The following TNRC18 variants were observed in gnomAD, a reference collection of about 807,000 sequenced individuals.
TNRC18 encodes the protein trinucleotide repeat containing 18.
Under a neutral mutation model 226.7 loss-of-function variants are expected in TNRC18, and 69 were observed. The ratio of observed to expected loss-of-function variants is 0.30; its 90% CI spans 0.25 to 0.37. The LOEUF is 0.37. Ranked by LOEUF, TNRC18 falls within the 10% of genes least tolerant of loss-of-function variation. The pLI, the probability that TNRC18 is intolerant of heterozygous loss-of-function variation, is 1.00. For missense variants in TNRC18, 4,754 were observed against 4,256.6 expected, an observed-to-expected ratio of 1.12 and a Z score of -3.25; for synonymous variants, 2,449 against 1,927.6, an observed-to-expected ratio of 1.27 and a Z score of -7.09.
Position 5,333,122 on chromosome 7 carries a change from A to G in TNRC18, c.5720-73T>C, listed in dbSNP as rs1246042855. 24 of 1,495,276 alleles carry G rather than the reference A, an allele frequency of 1.6e-5. No individual in the cohort carries two copies. In the Admixed American group the frequency reaches 4.8e-4, roughly 30 times the overall value. 92.6% of individuals were successfully genotyped at this position (1,495,276 alleles called of 1,614,324 possible). A position where few individuals can be genotyped will look rare whatever the true frequency, so the allele number is the denominator to read the frequency against. On this transcript the variant is annotated intron_variant, in intron 18 of 29. Coordinates refer to ENST00000430969, the MANE Select transcript of TNRC18 (RefSeq NM_001080495.3). Reference sequence around the variant, plus strand: ...TTCCCTCCCACCCAGCCACATGGACACCATTCCTCCCCGGCGGGACCTCCC... The same window carrying G: ...TTCCCTCCCACCCAGCCACATGGACGCCATTCCTCCCCGGCGGGACCTCCC...
At position 5,387,652 on chromosome 7, in the gene TNRC18, G is replaced by A; in HGVS notation, c.2152+20C>T. 3 of 1,601,544 alleles carry A rather than the reference G, an allele frequency of 1.9e-6. No homozygotes were observed. Among genetic ancestry groups the A allele is most frequent in the Admixed American group, 1.7e-5 (1 of 59,902 alleles). ...GAGACCCAAGATCCTACCCGCACCT[G>A]GGCTCTGCCCAGGACCTACCTTTGA... is the stretch of plus-strand genomic sequence containing the variant. On this transcript the variant is annotated intron_variant, in intron 5 of 29. Coordinates refer to ENST00000430969, the MANE Select transcript of TNRC18 (RefSeq NM_001080495.3).
chr7:5,415,794 G>A (rs902153196), intron 2 of TNRC18, among the ~76,000 whole-genome samples: 1 of 151,762 alleles, frequency 6.6e-6, no homozygotes, highest in African/African-American at 2.4e-5. Context: ...TCACTGTTGG[G>A]AAATTTTCAC....
rs766070310 is a variant in TNRC18 at position 5,376,110 on chromosome 7, AG to A, written c.2722del (p.Leu908CysfsTer30). 1.3e-6 allele frequency: 2 copies of A among 1,592,348 alleles called. No individual in the cohort carries two copies. Among genetic ancestry groups the A allele is most frequent in the African/African-American group, 1.3e-5 (1 of 74,626 alleles). On this transcript the variant is annotated frameshift_variant, in exon 9 of 30. Coordinates refer to ENST00000430969, the MANE Select transcript of TNRC18 (RefSeq NM_001080495.3). LOFTEE classifies it high-confidence loss of function. ...CAGGTACAGGAACTCCTGCTGCCGCAGGAAGTGCTGCTGTGAGAAGAGCTGC... is the reference window on the plus strand; with the variant it reads ...CAGGTACAGGAACTCCTGCTGCCGCAGAAGTGCTGCTGTGAGAAGAGCTGC... The part of the protein sequence containing the change: ...QLQLFSQQHF[L>X]RQQEFLYLQQ...
Position 5,332,949 on chromosome 7 carries a change from T to C in TNRC18, c.5820A>G (p.Gly1940=). The part of the protein sequence containing the change: ...LRPKKGLGEP[G]PSLAAPTPGA... ...CAGGCGTGGGTGCGGCCAGGGAGGG[T>C]CCCGGCTCCCCCAGCCCCTTCTTGG... Residue 1940 remains glycine (G), a synonymous_variant, in exon 19 of 30, where the codon GGA becomes GGG. Transcript: ENST00000430969. 1 of 1,551,680 alleles carries C rather than the reference T, an allele frequency of 6.4e-7. No individual in the cohort carries two copies. Among genetic ancestry groups the C allele is most frequent in the Admixed American group, 1.9e-5 (1 of 53,446 alleles).
At chr7:5,354,478 G>C (rs1001630628) in intron 16 of TNRC18, among the ~76,000 whole-genome samples, 2 of 151,614 alleles carry the variant, frequency 1.3e-5, no homozygotes, top group African/African-American at 2.4e-5. Flanking sequence ...TTTCCAAAAT[G>C]AGCAGAGATT....
rs778298289 is a variant in TNRC18, at chr7:5,387,991, G to A, written c.1833C>T (p.Ser611=). 31 of 1,590,150 alleles carry A rather than the reference G, an allele frequency of 1.9e-5. No homozygotes were observed. Among genetic ancestry groups the A allele is most frequent in the Non-Finnish European group, 2.4e-5 (28 of 1,169,760 alleles). ...AVRPGGCGKK[S]PFGGLGTMKP... is the part of the protein sequence containing the mutation. ...TCATGGTGCCCAAACCTCCAAAGGG[G>A]CTCTTCTTGCCACAGCCACCAGGGC... is the stretch of plus-strand genomic sequence containing the variant. Residue 611 remains serine, a synonymous_variant, in exon 5 of 30, where the codon AGC becomes AGT. Transcript: ENST00000430969.
Position 5,357,084 on chromosome 7 carries a change from T to C in TNRC18, c.5026A>G (p.Asn1676Asp), listed in dbSNP as rs35508364. The change falls in exon 16 of 30, where the codon AAC becomes GAC. Residue 1676 changes from asparagine to aspartate, a missense_variant. By Grantham distance (23) the Asn-to-Asp change is conservative (BLOSUM62 1). Transcript: ENST00000430969. ...LTPYDSLLGK[N>D]RKALAKGLGL... ...AGGCCCTTGGCCAGCGCCTTCCTGT[T>C]CTTCCCCAGCAGGCTGTCGTAAGGA... 0.45 allele frequency: 694,429 copies of C among 1,551,758 alleles called. 158,561 individuals are homozygous for C. The highest frequency in any genetic ancestry group is 0.48 in the African/African-American group (35,011 of 73,020).
chr7:5,377,847 G>A lies in TNRC18; in HGVS notation c.2255+75C>T. 6.9e-7 allele frequency: 1 copy of A among 1,444,120 alleles called. No homozygotes were observed. The highest frequency in any genetic ancestry group is 1.2e-5 in the South Asian group (1 of 84,878). 89.5% of individuals were successfully genotyped at this position (1,444,120 alleles called of 1,614,324 possible). On this transcript the variant is annotated intron_variant, in intron 6 of 29. Transcript: ENST00000430969. The surrounding 1 kb of genome is among the most constrained non-coding windows in gnomAD (Gnocchi z 5.8). ...TGGTCGAGGGGCCAAGCCCACCTGGGGTCATCCAGCTGCCCCTCACCCCCA... is the reference window on the plus strand; with the variant it reads ...TGGTCGAGGGGCCAAGCCCACCTGGAGTCATCCAGCTGCCCCTCACCCCCA...
At chr7:5,336,942 A>AG (rs1790172633) in intron 18 of TNRC18, among the ~76,000 whole-genome samples, 1 of 152,230 alleles carries the variant, frequency 6.6e-6, no homozygotes, top group Admixed American at 6.5e-5. Flanking sequence ...AAGAAAGAAC[A>AG]AGAAAAAATG....
At chr7:5,315,665 G>A (rs892775536) in intron 25 of TNRC18, among the ~76,000 whole-genome samples, 4 of 152,194 alleles carry the variant, frequency 2.6e-5, no homozygotes, top group Non-Finnish European at 4.4e-5. Context: ...CTCGTGATCC[G>A]CCCATCTTGG....
At chr7:5,353,874 TTC>T (rs1419899727) in intron 16 of TNRC18, among the ~76,000 whole-genome samples, 2 of 152,176 alleles carry the variant, frequency 1.3e-5, no homozygotes, top group East Asian at 3.9e-4. Flanking sequence ...CAGTGGAGTT[TTC>T]GACACAGGCA....
chr7:5,399,213 A>G (rs1469874274), intron 2 of TNRC18, among the ~76,000 whole-genome samples: 3 of 151,940 alleles, frequency 2.0e-5, no homozygotes, highest in African/African-American at 7.3e-5. Flanking sequence ...GCCAGGGGGC[A>G]CTGAGTTAGG....
rs1055044288 is a variant in TNRC18 at position 5,309,656 on chromosome 7, G to A, written c.8389-288C>T. On this transcript the variant is annotated intron_variant, in intron 27 of 29. Coordinates refer to ENST00000430969, the MANE Select transcript of TNRC18 (RefSeq NM_001080495.3). This position sits in a 1 kb window ranked among gnomAD's most constrained non-coding sequence, Gnocchi z 5.7. ...CTCCCTCTGTTGCCCAGGCTGGAGC[G>A]CAGTGGCGCCATCATGACTCACTGC... 4.6e-5 allele frequency among the ~76,000 whole-genome samples: 7 copies of A among 152,230 alleles called. No individual in the cohort carries two copies. Among genetic ancestry groups the A allele is most frequent in the African/African-American group, 1.4e-4 (6 of 41,466 alleles).
At chr7:5,364,680 T>C (rs560604348) in intron 11 of TNRC18, among the ~76,000 whole-genome samples, 1 of 151,838 alleles carries the variant, frequency 6.6e-6, no homozygotes, top group African/African-American at 2.4e-5. Flanking sequence ...GGTGACCACC[T>C]GTAATCCCAG....
chr7:5,334,319 C>T (rs1256482795), intron 18 of TNRC18, among the ~76,000 whole-genome samples: 2 of 151,210 alleles, frequency 1.3e-5, no homozygotes, highest in East Asian at 1.9e-4. Context: ...TTTCTTGAGA[C>T]GGAGTCTCGC....
chr7:5,345,580 C>T lies in TNRC18; in HGVS notation c.5701G>A (p.Glu1901Lys). Residue 1901 changes from glutamate (E) to lysine (K), a missense_variant, in exon 18 of 30, where the codon GAG becomes AAG. Physicochemically the swap from Glu to Lys is moderately conservative, Grantham distance 56. Transcript: ENST00000430969. ...EAKQKARKKEERQSLLGTEFE... is the reference protein window; with the variant it reads ...EAKQKARKKEKRQSLLGTEFE... ...CACTTACCCAGCAGGCTCTGCCGCT[C>T]CTCTTTCTTCCGGGCCTTCTGCTTG... The T allele has an allele frequency of 6.5e-7, 1 of 1,535,248 alleles. No individual in the cohort carries two copies. The highest frequency in any genetic ancestry group is 8.8e-7 in the Non-Finnish European group (1 of 1,138,114).
intron 10 of TNRC18, among the ~76,000 whole-genome samples, chr7:5,371,927 C>T (rs1794193071): frequency 6.6e-6 from 1 of 152,158 alleles, no homozygotes. Flanking sequence ...GACAGAACTT[C>T]ACTCTTGTTG....
At chr7:5,421,814 C>G (rs1782603671) in intron 1 of TNRC18, among the ~76,000 whole-genome samples, 1 of 152,238 alleles carries the variant, frequency 6.6e-6, no homozygotes, top group South Asian at 2.1e-4. Context: ...TGCGCCCAGA[C>G]GGCGTAAATA....
rs1554301687 is a variant in TNRC18 at position 5,404,763 on chromosome 7, A to AGAGTGTGTGT, written c.188-10169_188-10168insACACACACTC. Among the ~76,000 whole-genome samples, 433 of 147,232 alleles carry AGAGTGTGTGT rather than the reference A, an allele frequency of 2.9e-3. 5 individuals carry two copies. The highest frequency in any genetic ancestry group is 0.01 in the African/African-American group (410 of 39,860). On this transcript the variant is annotated intron_variant, in intron 2 of 29. Transcript: ENST00000430969. ...ACCCCAGCAGCGCATGCACACTTTCAGTGTGTGTGTGTGTGTGTGTGTGTG... is the reference window on the plus strand; with the variant it reads ...ACCCCAGCAGCGCATGCACACTTTCAGAGTGTGTGTGTGTGTGTGTGTGTGTGTGTGTGTG...
Sources: gnomAD v4.1 joint callset for allele counts (sites outside exome capture counted in the v4.1 genomes callset) on GRCh38, gnomAD v4.1.1 for gene constraint, Gnocchi (gnomAD v3.1) non-coding constraint, MANE v1.5 for transcripts, NCBI Gene and HGNC (gene_info 2026-07-23, HGNC 2026-07-21) for gene names.